CADM2: variants seen among roughly 807,000 people sequenced by gnomAD.
The protein encoded by CADM2 is immunoglobulin superfamily member 4D.
In CADM2, 12 loss-of-function variants were observed where a neutral mutation model predicts 49.8. The ratio of observed to expected loss-of-function variants is 0.24; its 90% CI spans 0.15 to 0.39. The LOEUF (loss-of-function observed/expected upper bound fraction) is 0.39. Ranked by LOEUF, CADM2 falls within the 10% of genes least tolerant of loss-of-function variation. The probability of loss-of-function intolerance (pLI) is 1.00; values close to 1 mark genes in which losing one functional copy is unlikely to be tolerated. For missense variants in CADM2, 378 were observed against 492.3 expected (o/e 0.77, Z 2.20); for synonymous variants, 214 against 175.4 (o/e 1.22, Z -1.74).
intron 8 of CADM2, among the ~76,000 whole-genome samples, chr3:86,012,106 C>T (rs9310000): frequency 0.7 from 106,057 of 151,892 alleles, 38,682 homozygotes; most frequent in African/African-American, 0.92. Context: ...GACATAGCAA[C>T]CAGCATTCTG....
intron 1 of CADM2, among the ~76,000 whole-genome samples, chr3:85,270,168 T>C (rs527385169): frequency 6.6e-6 from 1 of 151,440 alleles, no homozygotes; most frequent in South Asian, 2.1e-4. Context: ...TGAGATAAAA[T>C]ATTTTAAAAT....
chr3:85,542,244 G>T (rs931125553), intron 1 of CADM2, among the ~76,000 whole-genome samples: 1 of 152,038 alleles, frequency 6.6e-6, no homozygotes, highest in South Asian at 2.1e-4. Flanking sequence ...GAAGCACAAT[G>T]AGAAAAGAGA....
At chr3:85,400,788 A>T (rs1473769549) in intron 1 of CADM2, among the ~76,000 whole-genome samples, 1 of 152,102 alleles carries the variant, frequency 6.6e-6, no homozygotes, top group African/African-American at 2.4e-5. Flanking sequence ...ACGCAGGCGG[A>T]GGGTTTCCTT....
intron 3 of CADM2, among the ~76,000 whole-genome samples, chr3:85,845,463 G>A (rs1232450383): frequency 1.3e-5 from 2 of 152,152 alleles, no homozygotes; most frequent in Admixed American, 6.5e-5. Flanking sequence ...TTTCTTTCAT[G>A]AAGGAAGTTT....
intron 8 of CADM2, among the ~76,000 whole-genome samples, chr3:86,039,679 G>T (rs1362345783): frequency 3.3e-5 from 5 of 152,180 alleles, no homozygotes; most frequent in Admixed American, 3.3e-4. Flanking sequence ...CAAACAAAAG[G>T]CAGCAGAATC....
At chr3:85,786,429 T>C (rs1261284255) in intron 2 of CADM2, among the ~76,000 whole-genome samples, 1 of 152,060 alleles carries the variant, frequency 6.6e-6, no homozygotes, top group African/African-American at 2.4e-5. Context: ...CTAGATCTAA[T>C]GTGGCACTAC....
At chr3:86,060,843 G>A (rs1029774136) in intron 8 of CADM2, among the ~76,000 whole-genome samples, 6 of 152,132 alleles carry the variant, frequency 3.9e-5, no homozygotes, top group East Asian at 1.9e-4. Context: ...TTAGCCGGGC[G>A]TGGTGGTGCA....
chr3:85,054,768 G>A (rs890313536), intron 1 of CADM2, among the ~76,000 whole-genome samples: 2 of 151,920 alleles, frequency 1.3e-5, no homozygotes, highest in Non-Finnish European at 2.9e-5. Flanking sequence ...GGTGAAGGAC[G>A]TGCAAGTACT....
chr3:85,923,156 A>G (rs927720344), intron 6 of CADM2, among the ~76,000 whole-genome samples: 6 of 152,028 alleles, frequency 3.9e-5, no homozygotes, highest in Non-Finnish European at 5.9e-5. Context: ...TTTCCTCATC[A>G]CCAAATGCTT....
At chr3:84,970,013 T>A (rs2031302692) in intron 1 of CADM2, among the ~76,000 whole-genome samples, 1 of 150,978 alleles carries the variant, frequency 6.6e-6, no homozygotes, top group African/African-American at 2.4e-5. Flanking sequence ...AAGCTGACCT[T>A]GATCCACCAG....
chr3:85,892,336 G>A (rs973830327), intron 5 of CADM2, among the ~76,000 whole-genome samples: 3 of 152,110 alleles, frequency 2.0e-5, no homozygotes, highest in Non-Finnish European at 2.9e-5. Flanking sequence ...GAAAATGAGA[G>A]GCAGTAGGAG....
chr3:85,705,526 AG>A (rs1427692606), intron 1 of CADM2, among the ~76,000 whole-genome samples: 1 of 152,228 alleles, frequency 6.6e-6, no homozygotes, highest in Non-Finnish European at 1.5e-5. Flanking sequence ...TTTTAATAAA[AG>A]TATGTAGATC....
At chr3:85,787,318 G>A (rs148321917) in intron 2 of CADM2, among the ~76,000 whole-genome samples, 82 of 152,140 alleles carry the variant, frequency 5.4e-4, no homozygotes, top group Non-Finnish European at 1.1e-3. Context: ...TTAAAATCAC[G>A]AAATTGTTAC....
At chr3:85,255,028 A>C (rs957145529) in intron 1 of CADM2, among the ~76,000 whole-genome samples, 1 of 152,110 alleles carries the variant, frequency 6.6e-6, no homozygotes, top group Non-Finnish European at 1.5e-5. Context: ...ACATAGGATG[A>C]AAATATATTA....
chr3:85,925,853 A>G (rs945834766), intron 6 of CADM2, among the ~76,000 whole-genome samples: 1 of 151,992 alleles, frequency 6.6e-6, no homozygotes, highest in African/African-American at 2.4e-5. Context: ...TATAAAGAAA[A>G]TAGGCCGGGC....
At chr3:85,230,993 T>C (rs868755083) in intron 1 of CADM2, among the ~76,000 whole-genome samples, 3 of 149,492 alleles carry the variant, frequency 2.0e-5, no homozygotes, top group African/African-American at 5.1e-5. Context: ...TGTTTGTTTT[T>C]TTCTGGAAAA....
intron 3 of CADM2, among the ~76,000 whole-genome samples, chr3:85,809,556 C>T (rs1463785469): frequency 2.6e-5 from 4 of 152,048 alleles, no homozygotes; most frequent in Non-Finnish European, 4.4e-5. Context: ...GCCTGGGCAA[C>T]ACAGAAAGAC....
chr3:85,040,725 T>A (rs947831487), intron 1 of CADM2, among the ~76,000 whole-genome samples: 3 of 152,192 alleles, frequency 2.0e-5, no homozygotes, highest in Non-Finnish European at 4.4e-5. Flanking sequence ...TTCATAATAA[T>A]GCATATTTTA....
At chr3:85,153,947 A>G (rs2107652221) in intron 1 of CADM2, among the ~76,000 whole-genome samples, 1 of 152,220 alleles carries the variant, frequency 6.6e-6, no homozygotes, top group Middle Eastern at 3.4e-3. Context: ...GTACATCACC[A>G]TCATCAAAGA....
Sources: allele counts gnomAD v4.1 joint callset (sites outside exome capture counted in the v4.1 genomes callset), GRCh38; gene constraint gnomAD v4.1.1; transcripts MANE v1.5; gene names NCBI Gene and HGNC (gene_info 2026-07-23, HGNC 2026-07-21).